CADPS: variants seen among roughly 807,000 people sequenced by gnomAD.
CADPS encodes the protein calcium dependent secretion activator.
CADPS carries 57 observed loss-of-function variants against 167.3 expected under a neutral mutation model. The observed-to-expected ratio is 0.34, with a 90% CI of 0.28 to 0.42. The LOEUF (loss-of-function observed/expected upper bound fraction) is 0.42. Among genes scored for constraint, CADPS ranks in the 20% least tolerant of loss-of-function variants. The pLI is 1.00. For missense variants in CADPS, 1,414 were observed against 1,738.1 expected (o/e 0.81, Z 3.32); for synonymous variants, 676 against 635.3 (o/e 1.06, Z -0.96).
In CADPS at chr3:62,516,304, T is replaced by C. The variant is rs907761606; in HGVS notation, c.2458-122A>G. 5.4e-6 allele frequency: 7 copies of C among 1,292,668 alleles called. No individual in the cohort carries two copies. In the African/African-American group the frequency reaches 8.9e-5, roughly 16 times the overall value. The allele number at this position is 1,292,668 out of a possible 1,614,324, so 80.1% of individuals were successfully genotyped here. ...TGTGACTTAATAAGATTGAGAGCCA[T>C]GCTTAAAGAGAAAGCACCAGAATTG... On this transcript the variant is annotated intron_variant, in intron 15 of 29. Coordinates refer to ENST00000383710, the MANE Select transcript of CADPS (RefSeq NM_003716.4).
At chr3:62,440,272 T>G (rs539666203) in intron 27 of CADPS, 1 of 152,298 alleles carries the variant, frequency 6.6e-6, no homozygotes, top group South Asian at 2.1e-4. Context: ...GGATTTTTAC[T>G]GGATCTCCCA....
At chr3:62,811,416 A>C (rs1435051539) in intron 1 of CADPS, among the ~76,000 whole-genome samples, 2 of 152,134 alleles carry the variant, frequency 1.3e-5, no homozygotes, top group African/African-American at 4.8e-5. Flanking sequence ...TCCACACCAG[A>C]AGCCTCAAGA....
intron 3 of CADPS, among the ~76,000 whole-genome samples, chr3:62,746,051 G>C (rs981424001): frequency 1.3e-5 from 2 of 152,178 alleles, no homozygotes; most frequent in African/African-American, 4.8e-5. Context: ...TCTCTACAAA[G>C]GTTACATTTA....
chr3:62,865,436 T>A (rs915829051), intron 1 of CADPS, among the ~76,000 whole-genome samples: 2 of 151,906 alleles, frequency 1.3e-5, no homozygotes, highest in African/African-American at 4.8e-5. Flanking sequence ...CCCAGAACTT[T>A]TTTACTGCAC....
At chr3:62,470,197 G>T (rs530433767) in intron 24 of CADPS, among the ~76,000 whole-genome samples, 1 of 152,260 alleles carries the variant, frequency 6.6e-6, no homozygotes, top group South Asian at 2.1e-4. Flanking sequence ...CTTTACATGT[G>T]ATATTACCCA....
chr3:62,474,026 A>T, intron 24 of CADPS, 147 bp downstream of exon 24: 1 of 559,266 alleles, frequency 1.8e-6, no homozygotes, highest in Non-Finnish European at 3.1e-6. Flanking sequence ...ACAGATACTG[A>T]ACACTCATCC....
intron 1 of CADPS, among the ~76,000 whole-genome samples, chr3:62,787,558 T>G (rs1262142594): frequency 6.6e-6 from 1 of 152,184 alleles, no homozygotes; most frequent in African/African-American, 2.4e-5. Flanking sequence ...CCATAGTATA[T>G]TAGCATAATA....
At chr3:62,491,279 T>C (rs2063651585) in intron 21 of CADPS, 60 bp downstream of exon 21, 1 of 1,538,640 alleles carries the variant, frequency 6.5e-7, no homozygotes, top group Non-Finnish European at 8.9e-7. Context: ...AATCCATTTC[T>C]GTATTACTCT....
intron 8 of CADPS, among the ~76,000 whole-genome samples, chr3:62,578,461 T>C (rs1443434125): frequency 6.6e-6 from 1 of 151,606 alleles, no homozygotes; most frequent in African/African-American, 2.4e-5. Flanking sequence ...ATACAAAAAA[T>C]TAGCTGGGCA....
At chr3:62,579,283 G>GT (rs2082918955) in intron 8 of CADPS, among the ~76,000 whole-genome samples, 1 of 152,120 alleles carries the variant, frequency 6.6e-6, no homozygotes, top group African/African-American at 2.4e-5. Context: ...ACCACTTTAA[G>GT]CTCCAATTTC....
intron 21 of CADPS, among the ~76,000 whole-genome samples, chr3:62,483,064 G>T (rs1390241981): frequency 1.3e-5 from 2 of 152,008 alleles, no homozygotes; most frequent in Non-Finnish European, 2.9e-5. Context: ...GGCATTTTAA[G>T]GGTGTTCCAT....
At position 62,438,240 on chromosome 3, in the gene CADPS, G is replaced by A. The variant is rs751240514; in HGVS notation, c.3670-29C>T. 4.6e-6 allele frequency: 7 copies of A among 1,521,836 alleles called. No individual in the cohort carries two copies. The highest frequency in any genetic ancestry group is 3.4e-5 in the South Asian group (3 of 89,174). The allele number at this position is 1,521,836 out of a possible 1,614,324, so 94.3% of individuals were successfully genotyped here. A position where few individuals can be genotyped will look rare whatever the true frequency, so the allele number is the denominator to read the frequency against. ...TAAAGAAACAGGAAAACATGAAAAC[G>A]AATTTTCAGACAGCCACTCTTCCTT... On this transcript the variant is annotated intron_variant, in intron 27 of 29. Coordinates refer to ENST00000383710, the MANE Select transcript of CADPS (RefSeq NM_003716.4). The surrounding 1 kb of genome is among the most constrained non-coding windows in gnomAD (Gnocchi z 4.7).
rs148578257 is a variant in CADPS, at chr3:62,469,196, A to G, written c.3478-2783T>C. Among the ~76,000 whole-genome samples, 330 of 152,290 alleles carry G rather than the reference A, an allele frequency of 2.2e-3. 1 individual carries two copies. The highest frequency in any genetic ancestry group is 6.4e-3 in the South Asian group (31 of 4,820). ...AGAGGTAAATATCAAAGCAGCCCCTATTCCTATTCAAGTAATTACAGAATA... is the reference window on the plus strand; with the variant it reads ...AGAGGTAAATATCAAAGCAGCCCCTGTTCCTATTCAAGTAATTACAGAATA... On this transcript the variant is annotated intron_variant, in intron 24 of 29. Transcript: ENST00000383710.
chr3:62,578,762 A>G (rs2082820923), intron 8 of CADPS, among the ~76,000 whole-genome samples: 1 of 152,224 alleles, frequency 6.6e-6, no homozygotes, highest in Admixed American at 6.5e-5. Context: ...CTCTAAATAA[A>G]TGAAAATCAG....
intron 6 of CADPS, among the ~76,000 whole-genome samples, chr3:62,616,911 A>G (rs2062410872): frequency 2.0e-5 from 3 of 152,194 alleles, no homozygotes; most frequent in Non-Finnish European, 4.4e-5. Flanking sequence ...AATTTGTTTT[A>G]ATCAAATGTC....
chr3:62,421,638 C>T lies in CADPS; in HGVS notation c.3777+16466G>A, dbSNP rs2051411744. 6.6e-6 allele frequency among the ~76,000 whole-genome samples: 1 copy of T among 152,186 alleles called. No individual in the cohort carries two copies. The highest frequency in any genetic ancestry group is 1.5e-5 in the Non-Finnish European group (1 of 68,038). ...TGATTGGCTTCGTTCCCCCACCCCT[C>T]CTGACGCTTCCCCCTTTTCCCCCCA... On this transcript the variant is annotated intron_variant, in intron 28 of 29. Coordinates refer to ENST00000383710, the MANE Select transcript of CADPS (RefSeq NM_003716.4). This position sits in a 1 kb window ranked among gnomAD's most constrained non-coding sequence, Gnocchi z 4.7.
chr3:62,799,109 C>T (rs1417130974), intron 1 of CADPS, among the ~76,000 whole-genome samples: 2 of 152,164 alleles, frequency 1.3e-5, no homozygotes, highest in Non-Finnish European at 2.9e-5. Flanking sequence ...GTGTGCCTAA[C>T]TTGCCCATGT....
Position 62,834,996 on chromosome 3 carries a change from T to C in CADPS, c.441+39593A>G, listed in dbSNP as rs548113183. ...TTCCATTTTCCATGGGTTTGGAAGATGGGATAATATTTAAAGGAGCAGATT... is the reference window on the plus strand; with the variant it reads ...TTCCATTTTCCATGGGTTTGGAAGACGGGATAATATTTAAAGGAGCAGATT... On this transcript the variant is annotated intron_variant, in intron 1 of 29. Transcript: ENST00000383710. Among the ~76,000 whole-genome samples, 211 of 152,252 alleles carry C rather than the reference T, an allele frequency of 1.4e-3. 1 individual carries two copies. Among genetic ancestry groups the C allele is most frequent in the Non-Finnish European group, 1.9e-3 (130 of 68,008 alleles).
chr3:62,543,376 T>G (rs2076006594), intron 11 of CADPS, among the ~76,000 whole-genome samples: 1 of 152,176 alleles, frequency 6.6e-6, no homozygotes, highest in African/African-American at 2.4e-5. Flanking sequence ...AGCAATGCGT[T>G]GTTGTGCAAA....
Sources: gnomAD v4.1 joint callset for allele counts (sites outside exome capture counted in the v4.1 genomes callset) on GRCh38, gnomAD v4.1.1 for gene constraint, Gnocchi (gnomAD v3.1) non-coding constraint, MANE v1.5 for transcripts, NCBI Gene and HGNC (gene_info 2026-07-23, HGNC 2026-07-21) for gene names.